The following ARHGAP26 variants were observed in gnomAD, a reference collection of about 807,000 sequenced individuals.
The protein encoded by ARHGAP26 is Rho GTPase activating protein 26.
In ARHGAP26, 38 loss-of-function variants were observed where a neutral mutation model predicts 104.8. The observed-to-expected ratio is 0.36, with a 90% confidence interval of 0.28 to 0.48. ARHGAP26 has a LOEUF of 0.48. Among genes scored for constraint, ARHGAP26 ranks in the 20% least tolerant of loss-of-function variants. The pLI is 0.99. For missense variants in ARHGAP26, 704 were observed against 947.9 expected (o/e 0.74, Z 3.38); for synonymous variants, 341 against 340.0 (o/e 1.00, Z -0.03).
At chr5:143,108,476 A>G (rs1053583523) in intron 17 of ARHGAP26, among the ~76,000 whole-genome samples, 3 of 152,156 alleles carry the variant, frequency 2.0e-5, no homozygotes, top group African/African-American at 7.2e-5. Context: ...TCCAAACATA[A>G]TCTAAAAGTA....
intron 14 of ARHGAP26, among the ~76,000 whole-genome samples, chr5:143,047,241 C>T (rs1052620007): frequency 1.3e-5 from 2 of 152,200 alleles, no homozygotes; most frequent in African/African-American, 2.4e-5. Flanking sequence ...GCAGCAGAGA[C>T]TAAGAGCATG....
At chr5:142,985,956 G>T (rs978166629) in intron 11 of ARHGAP26, among the ~76,000 whole-genome samples, 7 of 151,968 alleles carry the variant, frequency 4.6e-5, no homozygotes, top group Admixed American at 2.6e-4. Context: ...GAATAGTGCC[G>T]CAATAAACAT....
At chr5:143,112,511 TA>T (rs1446734122) in intron 17 of ARHGAP26, among the ~76,000 whole-genome samples, 9 of 152,106 alleles carry the variant, frequency 5.9e-5, no homozygotes, top group Admixed American at 5.9e-4. Context: ...TGACTATTTT[TA>T]AGTGTACAGT....
intron 17 of ARHGAP26, among the ~76,000 whole-genome samples, chr5:143,110,337 G>T (rs548023719): frequency 1.3e-5 from 2 of 152,202 alleles, no homozygotes. Context: ...TGGCACACAA[G>T]GGGTGCTAAA....
intron 20 of ARHGAP26, among the ~76,000 whole-genome samples, chr5:143,177,052 AT>A (rs1803566036): frequency 6.6e-6 from 1 of 152,192 alleles, no homozygotes. Flanking sequence ...TTTATATTAT[AT>A]GTAGGGACCA....
chr5:143,141,948 T>C (rs962993577), intron 19 of ARHGAP26, among the ~76,000 whole-genome samples: 1 of 152,162 alleles, frequency 6.6e-6, no homozygotes, highest in African/African-American at 2.4e-5. Context: ...CATTCTCTCA[T>C]GAAATTCAGT....
intron 17 of ARHGAP26, among the ~76,000 whole-genome samples, chr5:143,090,278 T>A (rs1015751308): frequency 1.6e-4 from 24 of 152,204 alleles, no homozygotes; most frequent in Admixed American, 1.5e-3. Flanking sequence ...AGGACCACCC[T>A]AGTGGAAAGG....
chr5:143,141,037 C>T (rs1024726053), intron 19 of ARHGAP26, among the ~76,000 whole-genome samples: 5 of 152,346 alleles, frequency 3.3e-5, no homozygotes, highest in Admixed American at 6.5e-5. Flanking sequence ...TTGCAGATCC[C>T]GGGTGCCCTG....
At chr5:142,950,367 G>T (rs1370924504) in intron 11 of ARHGAP26, among the ~76,000 whole-genome samples, 1 of 151,880 alleles carries the variant, frequency 6.6e-6, no homozygotes, top group African/African-American at 2.4e-5. Context: ...TTTTGTGACT[G>T]CAACAATTAA....
chr5:142,774,149 A>T (rs748959089), intron 1 of ARHGAP26, among the ~76,000 whole-genome samples: 167 of 152,232 alleles, frequency 1.1e-3, no homozygotes, highest in Non-Finnish European at 2.1e-3. Context: ...TACCTTGTGA[A>T]TAAAGAAAAT....
chr5:142,963,266 G>T (rs1770728293), intron 11 of ARHGAP26, among the ~76,000 whole-genome samples: 1 of 148,722 alleles, frequency 6.7e-6, no homozygotes, highest in African/African-American at 2.5e-5. Flanking sequence ...TCATTGATGG[G>T]CATTTAGATT....
intron 5 of ARHGAP26, among the ~76,000 whole-genome samples, chr5:142,886,440 T>G (rs1169836281): frequency 6.6e-6 from 1 of 152,308 alleles, no homozygotes; most frequent in East Asian, 1.9e-4. Flanking sequence ...AAATAAGTAT[T>G]TAATCCAGTT....
In ARHGAP26 at chr5:142,932,035, C is replaced by G. The variant is rs373200789; in HGVS notation, c.1029-12C>G. On this transcript the variant is annotated splice_polypyrimidine_tract_variant and intron_variant, in intron 10 of 22. Coordinates refer to ENST00000645722, the MANE Select transcript of ARHGAP26 (RefSeq NM_001135608.3). The stretch of plus-strand genomic sequence containing the variant: ...CACTGGTTTCATATCCATGTCCCTC[C>G]TTTCTCTGCAGGCCAGGGGTTATCA... 1.1e-4 allele frequency: 178 copies of G among 1,613,806 alleles called. No homozygotes were observed. The African/African-American group carries it at 2.0e-3, about 18-fold the overall frequency.
chr5:142,990,866 G>A (rs532498074), intron 11 of ARHGAP26, among the ~76,000 whole-genome samples: 7 of 152,204 alleles, frequency 4.6e-5, no homozygotes, highest in African/African-American at 1.2e-4. Flanking sequence ...GTTGTCAGTC[G>A]GCCCCTACTG....
At chr5:143,010,251 T>TAA (rs1778553951) in intron 11 of ARHGAP26, among the ~76,000 whole-genome samples, 1 of 152,212 alleles carries the variant, frequency 6.6e-6, no homozygotes, top group East Asian at 1.9e-4. Flanking sequence ...CCTAGAAAGG[T>TAA]AAAAGGGTAT....
intron 1 of ARHGAP26, among the ~76,000 whole-genome samples, chr5:142,780,421 G>A (rs947303311): frequency 5.3e-5 from 8 of 152,196 alleles, no homozygotes; most frequent in African/African-American, 9.6e-5. Context: ...TCATAACAGT[G>A]TTTCTGAAAA....
intron 5 of ARHGAP26, among the ~76,000 whole-genome samples, chr5:142,892,867 C>A (rs1441760708): frequency 6.6e-6 from 1 of 152,102 alleles, no homozygotes; most frequent in East Asian, 1.9e-4. Context: ...CACCGTACAT[C>A]AGTTAGCCAT....
chr5:142,824,755 C>G (rs1766888090), intron 1 of ARHGAP26, among the ~76,000 whole-genome samples: 1 of 152,174 alleles, frequency 6.6e-6, no homozygotes, highest in African/African-American at 2.4e-5. Flanking sequence ...AAACACAATG[C>G]ATTGACAATG....
At chr5:142,942,673 A>G (rs1766534996) in intron 11 of ARHGAP26, among the ~76,000 whole-genome samples, 1 of 152,238 alleles carries the variant, frequency 6.6e-6, no homozygotes, top group South Asian at 2.1e-4. Context: ...ATATATTTAG[A>G]GACTTTTCCT....
Sources: gnomAD v4.1 joint callset for allele counts (sites outside exome capture counted in the v4.1 genomes callset) on GRCh38, gnomAD v4.1.1 for gene constraint, MANE v1.5 for transcripts, NCBI Gene and HGNC (gene_info 2026-07-23, HGNC 2026-07-21) for gene names.